The following CCDC154 variants were observed in gnomAD, a reference collection of about 807,000 sequenced individuals.
CCDC154 encodes the protein coiled-coil domain containing 154, also known as coiled-coil domain-containing protein 154.
Under a neutral mutation model 87.5 loss-of-function variants are expected in CCDC154, and 91 were observed. That is an observed-to-expected ratio of 1.04 (90% CI 0.88 to 1.24). The LOEUF is 1.24. Ranked by LOEUF, CCDC154 falls within the 50% of genes most tolerant of loss-of-function variation. The pLI, the probability that CCDC154 is intolerant of heterozygous loss-of-function variation, is 0.00. For synonymous variants in CCDC154, 418 were observed against 400.4 expected (o/e 1.04, Z -0.52); for missense variants, 903 against 879.2 (o/e 1.03, Z -0.34).
Position 1,434,692 on chromosome 16 carries a change from C to T in CCDC154, c.1853G>A (p.Cys618Tyr). The T allele has an allele frequency of 6.5e-7, 1 of 1,546,944 alleles. No individual in the cohort carries two copies. Among genetic ancestry groups the T allele is most frequent in the Non-Finnish European group, 8.7e-7 (1 of 1,146,772 alleles). Reference protein sequence around the residue: ...MAPGKVVPMNCWGVYQAVRWL... With the variant: ...MAPGKVVPMNYWGVYQAVRWL... ...CCTCACAGCCTGGTACACGCCCCAG[C>T]AGTTCATGGGCACCACCTTGCCAGG... The change falls in exon 16 of 17, where the codon TGC becomes TAC. Residue 618 changes from cysteine (C) to tyrosine (Y), a missense_variant. Transcript: ENST00000389176.
chr16:1,442,538 G>A lies in CCDC154; in HGVS notation c.552-9C>T, dbSNP rs2038561316. ...CGGTCAGCTTGGCCAGTCTAGAGAA[G>A]TCGGCTGTGGTCACACCAGCCCAGC... On this transcript the variant is annotated splice_polypyrimidine_tract_variant and intron_variant, in intron 5 of 16. Transcript: ENST00000389176. 2 of 1,527,184 alleles carry A rather than the reference G, an allele frequency of 1.3e-6. No homozygotes were observed. Among genetic ancestry groups the A allele is most frequent in the African/African-American group, 1.4e-5 (1 of 72,390 alleles). The allele number at this position is 1,527,184 out of a possible 1,614,324, so 94.6% of individuals were successfully genotyped here.
intron 11 of CCDC154, 59 bp from the exon 12 acceptor site, chr16:1,436,870 A>G: frequency 6.5e-7 from 1 of 1,543,468 alleles, no homozygotes. Flanking sequence ...GACAGATGGA[A>G]AGACGGACAC....
chr16:1,443,479 C>T (rs1250794271), intron 3 of CCDC154, 27 bp downstream of exon 3: 9 of 1,444,258 alleles, frequency 6.2e-6, no homozygotes, highest in South Asian at 1.5e-5. Context: ...AGGGGCAGCT[C>T]GACCTGTGGG....
At position 1,444,374 on chromosome 16, in the gene CCDC154, G is replaced by A. The variant is rs552750933; in HGVS notation, c.-52C>T. 60 of 1,294,522 alleles carry A rather than the reference G, an allele frequency of 4.6e-5. No individual in the cohort carries two copies. In the Admixed American group the frequency reaches 8.2e-4, roughly 18 times the overall value. 80.2% of individuals were successfully genotyped at this position (1,294,522 alleles called of 1,614,324 possible). On this transcript the variant is annotated 5_prime_UTR_variant, in exon 1 of 17. Coordinates refer to ENST00000389176, the MANE Select transcript of CCDC154 (RefSeq NM_001143980.3). The stretch of plus-strand genomic sequence containing the variant: ...GCCCTCGGCTGTAGCTTGGGCCTTG[G>A]GGCCTCTGAGGTTGCCCAGAGCTGG...
At chr16:1,435,380 G>C (rs1009577500) in intron 14 of CCDC154, 8 of 604,886 alleles carry the variant, frequency 1.3e-5, no homozygotes, top group African/African-American at 1.1e-4. Flanking sequence ...CGGGGACCTG[G>C]CCAGGGCTCA....
chr16:1,443,766 TC>T (rs1250235304), intron 2 of CCDC154, 29 bp downstream of exon 2: 3 of 1,304,030 alleles, frequency 2.3e-6, no homozygotes, highest in Non-Finnish European at 1.0e-6. Context: ...GACGTGGTCC[TC>T]CCCCGCCAGC....
intron 11 of CCDC154, 95 bp from the exon 12 acceptor site, chr16:1,436,906 C>A: frequency 6.8e-7 from 1 of 1,477,636 alleles, no homozygotes; most frequent in Non-Finnish European, 9.1e-7. Context: ...GCAGGCGGCC[C>A]CCACCCCCAC....
rs756347903 is a variant in CCDC154, at chr16:1,442,469, G to C, written c.612C>G (p.Gly204=). ...QEEQGREVAC[G]ALQKNQEDSS... is the part of the protein sequence containing the mutation. ...TGTCCTCTTGGTTCTTCTGCAGGGC[G>C]CCGCAGGCCACCTCCCGGCCCTGCT... is the stretch of plus-strand genomic sequence containing the variant. The change falls in exon 6 of 17, where the codon GGC becomes GGG. Residue 204 remains glycine (G), a synonymous_variant. Coordinates refer to ENST00000389176, the MANE Select transcript of CCDC154 (RefSeq NM_001143980.3). 3.9e-6 allele frequency: 6 copies of C among 1,550,112 alleles called. No homozygotes were observed. The highest frequency in any genetic ancestry group is 4.9e-5 in the East Asian group (2 of 40,884).
At chr16:1,441,898 C>A (rs1433126237) in intron 6 of CCDC154, among the ~76,000 whole-genome samples, 2 of 149,534 alleles carry the variant, frequency 1.3e-5, no homozygotes, top group Non-Finnish European at 3.0e-5. Flanking sequence ...TGTGCCACTG[C>A]ACGTGGCCTG....
At chr16:1,436,118 G>T in intron 13 of CCDC154, 32 bp from the exon 14 acceptor site, 1 of 1,522,336 alleles carries the variant, frequency 6.6e-7, no homozygotes, top group Non-Finnish European at 8.9e-7. Flanking sequence ...GCTGGCTGTC[G>T]GGTGTGCTCG....
In CCDC154 at chr16:1,436,733, GGT is replaced by G; in HGVS notation, c.1367_1368del (p.His456ProfsTer26). On this transcript the variant is annotated frameshift_variant, in exon 12 of 17. Transcript: ENST00000389176. LOFTEE classifies it high-confidence loss of function. ...LARWRKEVTEHLRGVREKVDG... is the reference protein window; with the variant it reads ...LARWRKEVTEXLRGVREKVDG... ...TCCACCTTCTCCCGCACCCCTCGCAGGTGTTCGGTCACCTCCTTCCGCCACCT... is the reference window on the plus strand; with the variant it reads ...TCCACCTTCTCCCGCACCCCTCGCAGGTTCGGTCACCTCCTTCCGCCACCT... The G allele has an allele frequency of 1.3e-6, 2 of 1,550,428 alleles. No homozygotes were observed. The highest frequency in any genetic ancestry group is 1.7e-6 in the Non-Finnish European group (2 of 1,146,954).
chr16:1,441,303 C>T (rs2038550026), intron 6 of CCDC154, among the ~76,000 whole-genome samples: 1 of 152,230 alleles, frequency 6.6e-6, no homozygotes, highest in Admixed American at 6.5e-5. Flanking sequence ...TCCTGAAGGG[C>T]AGTGAGAGGG....
At chr16:1,442,801 C>A (rs1308867913) in intron 5 of CCDC154, 79 bp downstream of exon 5, 6 of 1,376,878 alleles carry the variant, frequency 4.4e-6, no homozygotes, top group Non-Finnish European at 6.0e-6. Flanking sequence ...GGCAGGGGGA[C>A]CCGTGTCTTG....
At chr16:1,437,663 G>T in intron 11 of CCDC154, 154 bp downstream of exon 11, 1 of 928,516 alleles carries the variant, frequency 1.1e-6, no homozygotes, top group Non-Finnish European at 1.5e-6. Context: ...TCTGGGGCTC[G>T]GGGTCTCCCA....
chr16:1,442,615 A>C, intron 5 of CCDC154, 86 bp from the exon 6 acceptor site: 1 of 1,410,076 alleles, frequency 7.1e-7, no homozygotes, highest in Non-Finnish European at 9.4e-7. Flanking sequence ...GCCAGGCAGG[A>C]GGTGTACGAC....
intron 6 of CCDC154, among the ~76,000 whole-genome samples, chr16:1,440,739 A>G (rs1353577611): frequency 6.6e-6 from 1 of 152,026 alleles, no homozygotes; most frequent in African/African-American, 2.4e-5. Flanking sequence ...TCACGAGGTC[A>G]GGAGATCGAG....
chr16:1,442,793 C>G, intron 5 of CCDC154, 87 bp downstream of exon 5: 1 of 1,337,946 alleles, frequency 7.5e-7, no homozygotes, highest in East Asian at 2.5e-5. Context: ...GGACACACGG[C>G]AGGGGGACCC....
At chr16:1,441,680 G>A (rs1200505601) in intron 6 of CCDC154, among the ~76,000 whole-genome samples, 2 of 152,204 alleles carry the variant, frequency 1.3e-5, no homozygotes, top group African/African-American at 2.4e-5. Flanking sequence ...CCGGGCAGGC[G>A]CTGGCTGTGT....
At chr16:1,443,201 C>G in intron 4 of CCDC154, 60 bp downstream of exon 4, 1 of 1,537,576 alleles carries the variant, frequency 6.5e-7, no homozygotes, top group South Asian at 1.2e-5. Context: ...ACACCTGCCG[C>G]TGCTTTCTCG....
Sources: allele counts gnomAD v4.1 joint callset (sites outside exome capture counted in the v4.1 genomes callset), GRCh38; gene constraint gnomAD v4.1.1; transcripts MANE v1.5; gene names NCBI Gene and HGNC (gene_info 2026-07-23, HGNC 2026-07-21).